The following GRID2IP variants were observed in gnomAD, a reference collection of about 807,000 sequenced individuals.
The protein encoded by GRID2IP is delphilin.
GRID2IP carries 78 observed loss-of-function variants against 114.3 expected under a neutral mutation model. The ratio of observed to expected loss-of-function variants is 0.68; its 90% CI spans 0.57 to 0.82. The LOEUF (loss-of-function observed/expected upper bound fraction) is 0.82. GRID2IP is among the 40% of genes least tolerant of loss of function. The pLI, the probability that GRID2IP is intolerant of heterozygous loss-of-function variation, is 0.00. For missense variants in GRID2IP, 1,727 were observed against 1,678.5 expected (o/e 1.03, Z -0.51); for synonymous variants, 809 against 724.0 (o/e 1.12, Z -1.89).
chr7:6,527,298 A>G (rs1562520933), intron 2 of GRID2IP, among the ~76,000 whole-genome samples: 1 of 151,916 alleles, frequency 6.6e-6, no homozygotes, highest in East Asian at 1.9e-4. Context: ...TCTGGCAGGA[A>G]CCCCGTTTCT....
At chr7:6,533,970 T>C (rs1779680938) in intron 2 of GRID2IP, among the ~76,000 whole-genome samples, 1 of 152,108 alleles carries the variant, frequency 6.6e-6, no homozygotes, top group African/African-American at 2.4e-5. Flanking sequence ...TATATTATGG[T>C]GTTCATGACA....
rs1165162366 is a variant in GRID2IP, at chr7:6,534,643, G to A, written c.584+5075C>T. On this transcript the variant is annotated intron_variant, in intron 2 of 21. Transcript: ENST00000457091. This position sits in a 1 kb window ranked among gnomAD's most constrained non-coding sequence, Gnocchi z 4.5. The stretch of plus-strand genomic sequence containing the variant: ...AGCCATATGTCACTGTCACTGTTGT[G>A]TGCTTGGAATGTGGCTAGTGAGACT... Among the ~76,000 whole-genome samples the A allele has an allele frequency of 2.0e-5, 3 of 152,180 alleles. No individual in the cohort carries two copies. The highest frequency in any genetic ancestry group is 7.2e-5 in the African/African-American group (3 of 41,446).
At chr7:6,541,879 A>G (rs1233683672) in intron 1 of GRID2IP, among the ~76,000 whole-genome samples, 1 of 152,202 alleles carries the variant, frequency 6.6e-6, no homozygotes, top group African/African-American at 2.4e-5. Flanking sequence ...GAGGTGGTTC[A>G]CCTGTGTATT....
Position 6,507,313 on chromosome 7 carries a change from T to C in GRID2IP, c.2544+672A>G, listed in dbSNP as rs1343376097. ...CCCCATTGGGGGTTCCATCTGGGAA[T>C]GTCTCTTTGACAGGGACATGGACAC... On this transcript the variant is annotated intron_variant, in intron 13 of 21. Transcript: ENST00000457091. This position sits in a 1 kb window ranked among gnomAD's most constrained non-coding sequence, Gnocchi z 5.3. Among the ~76,000 whole-genome samples the C allele has an allele frequency of 6.6e-6, 1 of 151,754 alleles. No individual in the cohort carries two copies. Among genetic ancestry groups the C allele is most frequent in the East Asian group, 1.9e-4 (1 of 5,158 alleles).
Position 6,508,232 on chromosome 7 carries a change from T to A in GRID2IP, c.2297A>T (p.Asp766Val). Residue 766 changes from aspartate (D) to valine (V), a missense_variant, in exon 13 of 22, where the codon GAC (aspartate) becomes GTC (valine). Coordinates refer to ENST00000457091, the MANE Select transcript of GRID2IP (RefSeq NM_001145118.2). This position sits in a 1 kb window ranked among gnomAD's most constrained non-coding sequence, Gnocchi z 5.6. The stretch of plus-strand genomic sequence containing the variant: ...AGAGCTGCGGGAGCTGGGCTTAGCG[T>A]CATGGAAAGGCAGGGGTGGCGGTGG... The part of the protein sequence containing the change: ...PPPPPPLPFH[D>V]AKPSSRSSDG... 7.5e-7 allele frequency: 1 copy of A among 1,331,698 alleles called. No homozygotes were observed. Among genetic ancestry groups the A allele is most frequent in the Non-Finnish European group, 9.8e-7 (1 of 1,025,314 alleles). The allele number at this position is 1,331,698 out of a possible 1,614,324, so 82.5% of individuals were successfully genotyped here.
chr7:6,505,750 G>T, intron 14 of GRID2IP, 70 bp downstream of exon 14: 1 of 955,652 alleles, frequency 1.0e-6, no homozygotes, highest in Non-Finnish European at 1.7e-6. Flanking sequence ...AGCCCTGGGA[G>T]ATGCTAAGCC....
chr7:6,526,262 C>T lies in GRID2IP; in HGVS notation c.881G>A (p.Arg294His). 2 of 1,551,914 alleles carry T rather than the reference C, an allele frequency of 1.3e-6. No homozygotes were observed. Among genetic ancestry groups the T allele is most frequent in the Non-Finnish European group, 1.7e-6 (2 of 1,147,042 alleles). ...CTCGATCCAGACAGGCCCGTGGCCG[C>T]GAAGTGTGAAGCCGAAGCTCTTGTT... ...KGNKSFGFTL[R>H]GHGPVWIESV... The change falls in exon 4 of 22, where the codon CGC (arginine) becomes CAC (histidine). Residue 294 changes from arginine (R) to histidine (H), a missense_variant. Transcript: ENST00000457091. This position sits in a 1 kb window ranked among gnomAD's most constrained non-coding sequence, Gnocchi z 7.6.
At chr7:6,537,254 T>C (rs1214573497) in intron 2 of GRID2IP, among the ~76,000 whole-genome samples, 1 of 151,424 alleles carries the variant, frequency 6.6e-6, no homozygotes, top group East Asian at 2.0e-4. Flanking sequence ...ACAAATAAAC[T>C]GAGAGCAGGC....
intron 8 of GRID2IP, among the ~76,000 whole-genome samples, chr7:6,511,346 C>A (rs1779150794): frequency 6.6e-6 from 1 of 152,054 alleles, no homozygotes. Context: ...CAAGTCACTG[C>A]TGCCCAGAGA....
rs547146543 is a variant in GRID2IP at position 6,523,793 on chromosome 7, G to C, written c.920-1836C>G. Among the ~76,000 whole-genome samples the C allele has an allele frequency of 2.6e-5, 4 of 152,176 alleles. No homozygotes were observed. The highest frequency in any genetic ancestry group is 9.6e-5 in the African/African-American group (4 of 41,516). On this transcript the variant is annotated intron_variant, in intron 4 of 21. Coordinates refer to ENST00000457091, the MANE Select transcript of GRID2IP (RefSeq NM_001145118.2). The surrounding 1 kb of genome is among the most constrained non-coding windows in gnomAD (Gnocchi z 4.5). ...CCTGCCTCGGCCTCCCAAAGTGCTG[G>C]GATTACAAGTGTGAGCCACTGCACC...
chr7:6,504,728 T>G (rs1315992192), intron 15 of GRID2IP, 65 bp downstream of exon 15: 1 of 1,265,326 alleles, frequency 7.9e-7, no homozygotes, highest in Non-Finnish European at 1.1e-6. Flanking sequence ...CCTGGGCAGG[T>G]CTGAGGCCCA....
intron 2 of GRID2IP, among the ~76,000 whole-genome samples, chr7:6,537,537 C>T (rs1245199322): frequency 6.6e-6 from 1 of 151,124 alleles, no homozygotes; most frequent in Non-Finnish European, 1.5e-5. Context: ...GCCACCACAA[C>T]CTGCTAATTT....
intron 15 of GRID2IP, among the ~76,000 whole-genome samples, chr7:6,504,274 CG>C (rs1583333196): frequency 1.3e-5 from 1 of 76,638 alleles, no homozygotes. Flanking sequence ...TGAGTTCGAG[CG>C]GGGGGAGAGG....
Position 6,505,570 on chromosome 7 carries a change from C to T in GRID2IP, c.2632+250G>A, listed in dbSNP as rs577960387. Among the ~76,000 whole-genome samples, 20 of 152,194 alleles carry T rather than the reference C, an allele frequency of 1.3e-4. No individual in the cohort carries two copies. In the South Asian group the frequency reaches 1.9e-3, roughly 14 times the overall value. ...TTCGGTAGAGACAAGGGTTTCGCCA[C>T]GTTGCCCAGGCTGGTCTCGAACCCC... is the stretch of plus-strand genomic sequence containing the variant. On this transcript the variant is annotated intron_variant, in intron 14 of 21. Transcript: ENST00000457091.
chr7:6,537,968 G>A (rs1035127688), intron 2 of GRID2IP, among the ~76,000 whole-genome samples: 2 of 152,164 alleles, frequency 1.3e-5, no homozygotes, highest in Non-Finnish European at 2.9e-5. Flanking sequence ...TAACCTCTCC[G>A]AGCCTCAGTC....
Position 6,526,026 on chromosome 7 carries a change from T to C in GRID2IP, c.919+198A>G, listed in dbSNP as rs954804944. The stretch of plus-strand genomic sequence containing the variant: ...AGGCAGAAGGCTCTGGCCTCAAGCA[T>C]CTTAGGTAGGAATGGGATTCAGATC... On this transcript the variant is annotated intron_variant, in intron 4 of 21. Transcript: ENST00000457091. This position sits in a 1 kb window ranked among gnomAD's most constrained non-coding sequence, Gnocchi z 7.6. Among the ~76,000 whole-genome samples, 11 of 152,078 alleles carry C rather than the reference T, an allele frequency of 7.2e-5. No homozygotes were observed. The highest frequency in any genetic ancestry group is 1.3e-4 in the Non-Finnish European group (9 of 68,006).
rs1442238656 is a variant in GRID2IP at position 6,545,523 on chromosome 7, G to A, written c.429+5485C>T. 2.0e-5 allele frequency among the ~76,000 whole-genome samples: 3 copies of A among 152,136 alleles called. No individual in the cohort carries two copies. The East Asian group carries it at 5.8e-4, about 29-fold the overall frequency. Reference sequence around the variant, plus strand: ...GAACTCTGGAACTGTATATCCACCCGCTTTCTAGATGATTCCAAAAGGGGA... The same window carrying A: ...GAACTCTGGAACTGTATATCCACCCACTTTCTAGATGATTCCAAAAGGGGA... On this transcript the variant is annotated intron_variant, in intron 1 of 21. Coordinates refer to ENST00000457091, the MANE Select transcript of GRID2IP (RefSeq NM_001145118.2).
intron 18 of GRID2IP, 36 bp from the exon 19 acceptor site, chr7:6,502,154 ACCCC>A (rs1192852884): frequency 6.5e-7 from 1 of 1,547,016 alleles, no homozygotes; most frequent in South Asian, 1.2e-5. Flanking sequence ...CCCGTCAAGG[ACCCC>A]ATCAGATGGG....
In GRID2IP at chr7:6,532,175, T is replaced by A. The variant is rs760771182; in HGVS notation, c.585-5406A>T. The stretch of plus-strand genomic sequence containing the variant: ...TGCTTGCGTGTCATGTCTCAAGGAG[T>A]CCCGACTGCCTCTGGAGAGGCCCAG... On this transcript the variant is annotated intron_variant, in intron 2 of 21. Coordinates refer to ENST00000457091, the MANE Select transcript of GRID2IP (RefSeq NM_001145118.2). The surrounding 1 kb of genome is among the most constrained non-coding windows in gnomAD (Gnocchi z 4.4). 6.6e-6 allele frequency among the ~76,000 whole-genome samples: 1 copy of A among 151,260 alleles called. No individual in the cohort carries two copies. The highest frequency in any genetic ancestry group is 1.5e-5 in the Non-Finnish European group (1 of 67,824).
Sources: gnomAD v4.1 joint callset for allele counts (sites outside exome capture counted in the v4.1 genomes callset) on GRCh38, gnomAD v4.1.1 for gene constraint, Gnocchi (gnomAD v3.1) non-coding constraint, MANE v1.5 for transcripts, NCBI Gene and HGNC (gene_info 2026-07-23, HGNC 2026-07-21) for gene names.